IFI16: variants seen among roughly 807,000 people sequenced by gnomAD.
The protein encoded by IFI16 is interferon gamma inducible protein 16, also known as gamma-interferon-inducible protein 16.
IFI16 carries 49 observed loss-of-function variants against 68.4 expected under a neutral mutation model. That is an observed-to-expected ratio of 0.72 (90% CI 0.57 to 0.91). The LOEUF (loss-of-function observed/expected upper bound fraction) is 0.91. Among genes scored for constraint, IFI16 ranks in the 40% least tolerant of loss-of-function variants. The pLI, the probability that IFI16 is intolerant of heterozygous loss-of-function variation, is 0.00. For missense variants in IFI16, 878 were observed against 942.9 expected, an observed-to-expected ratio of 0.93 and a Z score of 0.90; for synonymous variants, 307 against 315.0, an observed-to-expected ratio of 0.97 and a Z score of 0.27.
chr1:159,038,829 T>A (rs1654465438), intron 7 of IFI16, among the ~76,000 whole-genome samples: 1 of 152,142 alleles, frequency 6.6e-6, no homozygotes, highest in Non-Finnish European at 1.5e-5. Flanking sequence ...CCTGAAGGAT[T>A]CTGAATATCT....
At chr1:159,020,001 T>G (rs1653199284) in intron 5 of IFI16, among the ~76,000 whole-genome samples, 1 of 152,236 alleles carries the variant, frequency 6.6e-6, no homozygotes, top group South Asian at 2.1e-4. Flanking sequence ...CCATTCTTTT[T>G]GCATGGGGCC....
At chr1:159,053,320 G>C in intron 10 of IFI16, 1 of 388,796 alleles carries the variant, frequency 2.6e-6, no homozygotes, top group South Asian at 8.3e-5. Flanking sequence ...AAATCCAGCA[G>C]ACAAAGAACT....
Position 159,049,467 on chromosome 1 carries a change from C to G in IFI16, c.1533C>G (p.Phe511Leu). 8.5e-6 allele frequency: 13 copies of G among 1,520,894 alleles called. No homozygotes were observed. The highest frequency in any genetic ancestry group is 1.2e-5 in the Non-Finnish European group (13 of 1,106,882). The allele number at this position is 1,520,894 out of a possible 1,614,324, so 94.2% of individuals were successfully genotyped here. ...ACACAATCTCCAAAATGAATGACTT[C>G]ATGAGGATGCAGATACTGAAGGAAG... ...SEDTISKMND[F>L]MRMQILKEGS... The change falls in exon 9 of 12, where the codon TTC (phenylalanine) becomes TTG (leucine). Residue 511 changes from phenylalanine to leucine, a missense_variant. Around this residue, in one of 4 missense-constraint regions of IFI16, gnomAD observed 59 missense variants for 119.0 expected, o/e 0.50. Coordinates refer to ENST00000295809, the MANE Select transcript of IFI16 (RefSeq NM_001376587.1).
At chr1:159,043,099 A>AT (rs1004970865) in intron 7 of IFI16, among the ~76,000 whole-genome samples, 1 of 152,054 alleles carries the variant, frequency 6.6e-6, no homozygotes, top group African/African-American at 2.4e-5. Flanking sequence ...GGTTTTCTCA[A>AT]TTTTTTAGAC....
chr1:159,038,795 A>G (rs571027620), intron 7 of IFI16, among the ~76,000 whole-genome samples: 1 of 152,286 alleles, frequency 6.6e-6, no homozygotes, highest in Admixed American at 6.5e-5. Context: ...GCAATTTGGA[A>G]TGATCCTAAT....
chr1:159,021,576 C>CT (rs932974342), intron 6 of IFI16, among the ~76,000 whole-genome samples: 4 of 152,126 alleles, frequency 2.6e-5, no homozygotes, highest in African/African-American at 7.2e-5. Flanking sequence ...GTGCAATGAT[C>CT]TTTTTTTGTA....
At chr1:159,031,630 T>C (rs1308473004) in intron 6 of IFI16, among the ~76,000 whole-genome samples, 1 of 152,198 alleles carries the variant, frequency 6.6e-6, no homozygotes, top group East Asian at 1.9e-4. Flanking sequence ...AGGATGTATG[T>C]TCATGGGTGG....
intron 7 of IFI16, among the ~76,000 whole-genome samples, chr1:159,034,375 TG>T (rs1654190500): frequency 6.6e-6 from 1 of 152,240 alleles, no homozygotes; most frequent in African/African-American, 2.4e-5. Flanking sequence ...AAGTGCTTCC[TG>T]ACTCAAGAGG....
At chr1:159,006,364 A>G (rs1652258714), upstream of IFI16, among the ~76,000 whole-genome samples, 1 of 152,234 alleles carries the variant, frequency 6.6e-6, no homozygotes, top group South Asian at 2.1e-4. Flanking sequence ...GAGCAACGGT[A>G]CCAGGTGCAA....
At chr1:159,032,721 T>C (rs1654079843) in intron 7 of IFI16, 30 bp downstream of exon 7, 1 of 1,528,026 alleles carries the variant, frequency 6.5e-7, no homozygotes, top group Non-Finnish European at 8.8e-7. Flanking sequence ...ATGCCTCATG[T>C]CTCCCCACCA....
intron 7 of IFI16, among the ~76,000 whole-genome samples, chr1:159,035,461 C>T (rs1235294013): frequency 2.0e-5 from 3 of 152,148 alleles, no homozygotes; most frequent in Non-Finnish European, 4.4e-5. Context: ...GAATCACAAC[C>T]CTTGCTACAG....
At chr1:159,032,855 C>G (rs1048571987) in intron 7 of IFI16, among the ~76,000 whole-genome samples, 164 bp downstream of exon 7, 3 of 152,058 alleles carry the variant, frequency 2.0e-5, no homozygotes, top group African/African-American at 7.2e-5. Flanking sequence ...AGTGAGATAG[C>G]ACCACATCAT....
chr1:159,035,274 C>T (rs374697386), intron 7 of IFI16, among the ~76,000 whole-genome samples: 1 of 152,082 alleles, frequency 6.6e-6, no homozygotes, highest in African/African-American at 2.4e-5. Flanking sequence ...TGTCTTTTTG[C>T]CATCTTGGCA....
At chr1:159,005,300 A>G (rs1652212550), upstream of IFI16, among the ~76,000 whole-genome samples, 1 of 152,230 alleles carries the variant, frequency 6.6e-6, no homozygotes, top group African/African-American at 2.4e-5. Context: ...TGTCCATTAC[A>G]GGGAGGGTCA....
intron 6 of IFI16, among the ~76,000 whole-genome samples, chr1:159,029,047 CCTTA>C (rs1271897666): frequency 6.6e-6 from 1 of 152,088 alleles, no homozygotes; most frequent in African/African-American, 2.4e-5. Flanking sequence ...TGCCTAAATA[CCTTA>C]CTTTTTTATT....
Position 159,018,663 on chromosome 1 carries a change from A to G in IFI16, c.972+12A>G. The G allele has an allele frequency of 1.9e-6, 3 of 1,565,280 alleles. No homozygotes were observed. The South Asian group carries it at 3.5e-5, about 18-fold the overall frequency. ...TTATGCTACATAAGGTAAGTCCTCA[A>G]AATTGTTTCGTTTCATTTTTCCACC... On this transcript the variant is annotated intron_variant, in intron 5 of 11. Transcript: ENST00000295809.
At chr1:159,048,530 G>T (rs1655138372) in intron 8 of IFI16, among the ~76,000 whole-genome samples, 1 of 151,460 alleles carries the variant, frequency 6.6e-6, no homozygotes, top group Non-Finnish European at 1.5e-5. Flanking sequence ...ACAGTGTTTT[G>T]TTTGGGGTTT....
intron 6 of IFI16, among the ~76,000 whole-genome samples, chr1:159,024,741 A>G (rs550710331): frequency 2.2e-4 from 33 of 152,344 alleles, no homozygotes; most frequent in African/African-American, 7.5e-4. Context: ...ATTAAAGACA[A>G]TGGTCTAAGG....
At chr1:159,041,973 C>G (rs1654675507) in intron 7 of IFI16, among the ~76,000 whole-genome samples, 1 of 152,174 alleles carries the variant, frequency 6.6e-6, no homozygotes, top group African/African-American at 2.4e-5. Flanking sequence ...GTGATGTTTT[C>G]TTAGCTCCAA....
Sources: gnomAD v4.1 joint callset for allele counts (sites outside exome capture counted in the v4.1 genomes callset) on GRCh38, gnomAD v4.1.1 for gene constraint, gnomAD v4.1.1 regional missense constraint, MANE v1.5 for transcripts, NCBI Gene and HGNC (gene_info 2026-07-23, HGNC 2026-07-21) for gene names.